Variants in PPP1R9A observed in about 807,000 individuals in gnomAD.
The protein encoded by PPP1R9A is protein phosphatase 1 regulatory subunit 9A.
PPP1R9A carries 59 observed loss-of-function variants against 141.9 expected under a neutral mutation model. The ratio of observed to expected loss-of-function variants is 0.42; its 90% CI spans 0.34 to 0.52. The LOEUF (loss-of-function observed/expected upper bound fraction) is 0.52. Among genes scored for constraint, PPP1R9A ranks in the 20% least tolerant of loss-of-function variants. The pLI is 0.10. For synonymous variants in PPP1R9A, 500 were observed against 569.7 expected (o/e 0.88, Z 1.74); for missense variants, 1,444 against 1,611.9 (o/e 0.90, Z 1.78).
intron 2 of PPP1R9A, among the ~76,000 whole-genome samples, chr7:94,917,351 A>C (rs1792208353): frequency 6.6e-6 from 1 of 152,118 alleles, no homozygotes; most frequent in Admixed American, 6.5e-5. Context: ...ATTATTTCAG[A>C]TGTTTACTGG....
intron 14 of PPP1R9A, among the ~76,000 whole-genome samples, chr7:95,271,312 A>G (rs910914988): frequency 6.6e-6 from 1 of 152,200 alleles, no homozygotes; most frequent in Non-Finnish European, 1.5e-5. Context: ...GGTATGGAGA[A>G]GCTGAGTTAG....
chr7:95,125,202 A>G (rs2152501565), intron 4 of PPP1R9A, among the ~76,000 whole-genome samples: 1 of 152,182 alleles, frequency 6.6e-6, no homozygotes, highest in Non-Finnish European at 1.5e-5. Flanking sequence ...GCTGACCTCA[A>G]ACTCTTGGGC....
chr7:95,031,613 A>G (rs182515691), intron 2 of PPP1R9A, among the ~76,000 whole-genome samples: 1 of 152,000 alleles, frequency 6.6e-6, no homozygotes, highest in East Asian at 1.9e-4. Context: ...AAAATTAACT[A>G]GGCCTGATGG....
intron 2 of PPP1R9A, among the ~76,000 whole-genome samples, chr7:95,093,636 A>C (rs1372524860): frequency 6.6e-6 from 1 of 152,212 alleles, no homozygotes; most frequent in African/African-American, 2.4e-5. Flanking sequence ...CCTACCCATC[A>C]AAAGGAGAGA....
intron 2 of PPP1R9A, among the ~76,000 whole-genome samples, chr7:95,105,900 G>C (rs2152421824): frequency 6.6e-6 from 1 of 152,212 alleles, no homozygotes; most frequent in South Asian, 2.1e-4. Context: ...TACTAAGTCA[G>C]TTATGCAGAT....
chr7:95,138,685 T>C (rs994440968), intron 4 of PPP1R9A, among the ~76,000 whole-genome samples: 7 of 152,194 alleles, frequency 4.6e-5, no homozygotes, highest in Non-Finnish European at 1.0e-4. Context: ...ACTGAATGTT[T>C]AAAATATGGA....
chr7:95,037,917 C>T (rs188452471), intron 2 of PPP1R9A, among the ~76,000 whole-genome samples: 1 of 142,824 alleles, frequency 7.0e-6, no homozygotes, highest in East Asian at 2.1e-4. Flanking sequence ...CCAGCCTGGG[C>T]AATATAGGGA....
At chr7:95,203,988 C>T (rs1348087461) in intron 7 of PPP1R9A, among the ~76,000 whole-genome samples, 1 of 152,102 alleles carries the variant, frequency 6.6e-6, no homozygotes, top group Non-Finnish European at 1.5e-5. Flanking sequence ...ACCCCTAACA[C>T]TTTAAATATC....
At chr7:95,122,146 ATT>A (rs1273220292) in intron 4 of PPP1R9A, among the ~76,000 whole-genome samples, 14 of 133,856 alleles carry the variant, frequency 1.0e-4, no homozygotes, top group African/African-American at 1.4e-4. Context: ...CCAGAGCACC[ATT>A]TTTTTTTTTT....
At chr7:95,229,263 C>T (rs1244243509) in intron 8 of PPP1R9A, among the ~76,000 whole-genome samples, 1 of 151,922 alleles carries the variant, frequency 6.6e-6, no homozygotes, top group Non-Finnish European at 1.5e-5. Flanking sequence ...CAAGAGAATC[C>T]ACAGACCTTT....
chr7:95,090,590 C>T (rs758942156), intron 2 of PPP1R9A, among the ~76,000 whole-genome samples: 1 of 151,846 alleles, frequency 6.6e-6, no homozygotes, highest in African/African-American at 2.4e-5. Context: ...GGCAGATCAC[C>T]TGAGGTCTGG....
intron 2 of PPP1R9A, among the ~76,000 whole-genome samples, chr7:94,924,664 A>T (rs1793244165): frequency 6.6e-6 from 1 of 151,948 alleles, no homozygotes; most frequent in Non-Finnish European, 1.5e-5. Flanking sequence ...GAGTAGCTGG[A>T]ATTACAGGCA....
At chr7:95,172,918 AT>A (rs1045924252) in intron 5 of PPP1R9A, among the ~76,000 whole-genome samples, 163 of 151,370 alleles carry the variant, frequency 1.1e-3, no homozygotes, top group African/African-American at 3.0e-3. Context: ...TGAAGAATTG[AT>A]TTTTTTTTAT....
chr7:94,926,439 G>A (rs1793497717), intron 2 of PPP1R9A, among the ~76,000 whole-genome samples: 1 of 152,124 alleles, frequency 6.6e-6, no homozygotes, highest in South Asian at 2.1e-4. Context: ...CTTGTAATTA[G>A]TTGCAAGAAA....
intron 4 of PPP1R9A, among the ~76,000 whole-genome samples, chr7:95,150,941 C>G (rs901739919): frequency 6.6e-6 from 1 of 152,098 alleles, no homozygotes; most frequent in African/African-American, 2.4e-5. Context: ...GAGAGAATTG[C>G]TATTTAAAAC....
chr7:95,121,815 T>G (rs759028653), intron 4 of PPP1R9A, among the ~76,000 whole-genome samples: 10 of 152,068 alleles, frequency 6.6e-5, no homozygotes, highest in Non-Finnish European at 1.0e-4. Context: ...CTCAAAGAAA[T>G]AAATCCACTT....
intron 2 of PPP1R9A, among the ~76,000 whole-genome samples, chr7:94,918,822 AC>A (rs1047217764): frequency 6.6e-6 from 1 of 152,232 alleles, no homozygotes; most frequent in African/African-American, 2.4e-5. Context: ...ATAGCACACT[AC>A]AGGAAAGTCT....
chr7:95,112,066 A>T (rs537554558), intron 3 of PPP1R9A, among the ~76,000 whole-genome samples: 1 of 152,216 alleles, frequency 6.6e-6, no homozygotes, highest in East Asian at 1.9e-4. Flanking sequence ...GAACAAACAG[A>T]TGATGACTTG....
chr7:95,032,273 T>C (rs1584364582), intron 2 of PPP1R9A, among the ~76,000 whole-genome samples: 1 of 152,176 alleles, frequency 6.6e-6, no homozygotes, highest in South Asian at 2.1e-4. Flanking sequence ...ATGGTGCAGG[T>C]TCATGGACGA....
Sources: gnomAD v4.1 joint callset for allele counts (sites outside exome capture counted in the v4.1 genomes callset) on GRCh38, gnomAD v4.1.1 for gene constraint, MANE v1.5 for transcripts, NCBI Gene and HGNC (gene_info 2026-07-23, HGNC 2026-07-21) for gene names.